FTO: variants seen among roughly 807,000 people sequenced by gnomAD.
The protein encoded by FTO is FTO alpha-ketoglutarate dependent dioxygenase, also known as alpha-ketoglutarate-dependent dioxygenase FTO.
A neutral mutation model predicts 63.9 loss-of-function variants in FTO; 47 were observed. That is an observed-to-expected ratio of 0.74 (90% CI 0.58 to 0.94). FTO has a LOEUF of 0.94. Among genes scored for constraint, FTO ranks in the 40% least tolerant of loss-of-function variants. The pLI is 0.00. For missense variants in FTO, 562 were observed against 618.1 expected (o/e 0.91, Z 0.96); for synonymous variants, 207 against 224.4 (o/e 0.92, Z 0.69).
At chr16:53,954,566 G>C (rs1347798957) in intron 8 of FTO, among the ~76,000 whole-genome samples, 2 of 152,152 alleles carry the variant, frequency 1.3e-5, no homozygotes, top group East Asian at 3.9e-4. Context: ...TAAAACTTAG[G>C]TGCAGAACTC....
intron 8 of FTO, among the ~76,000 whole-genome samples, chr16:54,084,759 C>T (rs1256065585): frequency 6.6e-6 from 1 of 152,152 alleles, no homozygotes; most frequent in Non-Finnish European, 1.5e-5. Flanking sequence ...TGCACACACA[C>T]AGCTGAGATT....
rs1038400575 is a variant in FTO, at chr16:53,749,563, C to T, written c.45+45334C>T. On this transcript the variant is annotated intron_variant, in intron 1 of 8. Coordinates refer to ENST00000471389, the MANE Select transcript of FTO (RefSeq NM_001080432.3). ...ATGCCATTCTCCTGCCTCAGCCTCC[C>T]GAGTAGCTGGGACTACAGGCGCCCG... Among the ~76,000 whole-genome samples, 8 of 151,960 alleles carry T rather than the reference C, an allele frequency of 5.3e-5. No individual in the cohort carries two copies. In the South Asian group the frequency reaches 6.2e-4, roughly 12 times the overall value.
At chr16:53,796,020 A>G (rs940046983) in intron 1 of FTO, among the ~76,000 whole-genome samples, 1 of 151,554 alleles carries the variant, frequency 6.6e-6, no homozygotes, top group Non-Finnish European at 1.5e-5. Flanking sequence ...AACCAGAAGT[A>G]AGGTTTTGTT....
intron 7 of FTO, among the ~76,000 whole-genome samples, chr16:53,909,812 C>T (rs2151940605): frequency 6.6e-6 from 1 of 152,242 alleles, no homozygotes; most frequent in East Asian, 1.9e-4. Context: ...GATCCGCCCG[C>T]ATTGGCTTTC....
At chr16:53,845,878 T>C (rs61471078) in intron 4 of FTO, among the ~76,000 whole-genome samples, 56,291 of 152,052 alleles carry the variant, frequency 0.37, 10,545 homozygotes, top group South Asian at 0.45. Flanking sequence ...GCACTTAATG[T>C]GATGTCCCTT....
intron 8 of FTO, among the ~76,000 whole-genome samples, chr16:54,058,853 T>C (rs1264021144): frequency 3.3e-5 from 5 of 152,322 alleles, no homozygotes; most frequent in Non-Finnish European, 7.3e-5. Context: ...CTTTGTCTGC[T>C]GCTACTGTGT....
At chr16:53,735,108 G>A (rs1567940297) in intron 1 of FTO, among the ~76,000 whole-genome samples, 2 of 152,184 alleles carry the variant, frequency 1.3e-5, no homozygotes, top group Non-Finnish European at 2.9e-5. Context: ...AATGGCTTCT[G>A]CCATACTCAA....
intron 1 of FTO, among the ~76,000 whole-genome samples, chr16:53,713,377 G>T (rs2075822052): frequency 6.6e-6 from 1 of 152,174 alleles, no homozygotes; most frequent in Non-Finnish European, 1.5e-5. Flanking sequence ...CTAACTTCTA[G>T]AGGAGAGGAA....
At chr16:53,810,093 T>C in intron 1 of FTO, 47 bp from the exon 2 acceptor site, 1 of 1,249,084 alleles carries the variant, frequency 8.0e-7, no homozygotes, top group South Asian at 1.2e-5. Flanking sequence ...GTGTCTTACT[T>C]TGGGTTATTG....
In FTO at chr16:54,100,075, C is replaced by T. The variant is rs540695564; in HGVS notation, c.1365-11687C>T. ...CCTATGAAAATGAAGATTCCCAGGA[C>T]ATTCACCTGGAAAGTCTGACTTAGG... is the stretch of plus-strand genomic sequence containing the variant. On this transcript the variant is annotated intron_variant, in intron 8 of 8. Coordinates refer to ENST00000471389, the MANE Select transcript of FTO (RefSeq NM_001080432.3). 3.3e-5 allele frequency among the ~76,000 whole-genome samples: 5 copies of T among 152,284 alleles called. No individual in the cohort carries two copies. In the South Asian group the frequency reaches 6.2e-4, roughly 19 times the overall value.
chr16:53,814,650 ACT>A (rs1167383492), intron 2 of FTO: 1 of 152,130 alleles, frequency 6.6e-6, no homozygotes, highest in East Asian at 1.9e-4. Context: ...TTCTGAGATA[ACT>A]CTGCTCTTGT....
chr16:53,929,238 C>A (rs1219163900), intron 7 of FTO, among the ~76,000 whole-genome samples: 1 of 152,152 alleles, frequency 6.6e-6, no homozygotes, highest in African/African-American at 2.4e-5. Context: ...TGCGTCTTGC[C>A]CAACCGAATC....
chr16:53,840,152 GT>G (rs199505529), intron 3 of FTO, among the ~76,000 whole-genome samples: 2 of 152,018 alleles, frequency 1.3e-5, no homozygotes, highest in East Asian at 3.9e-4. Flanking sequence ...AGAAGTTATA[GT>G]TGATTTGACC....
rs115347143 is a variant in FTO at position 53,888,192 on chromosome 16, T to C, written c.1120-640T>C. Among the ~76,000 whole-genome samples, 337 of 151,838 alleles carry C rather than the reference T, an allele frequency of 2.2e-3. 1 individual carries two copies. Among genetic ancestry groups the C allele is most frequent in the African/African-American group, 7.2e-3 (299 of 41,436 alleles). Reference sequence around the variant, plus strand: ...TGGGTTGTGTAAGAGAATTTCAGCTTTTTAATTGTTTTATTTTATTTTATT... The same window carrying C: ...TGGGTTGTGTAAGAGAATTTCAGCTCTTTAATTGTTTTATTTTATTTTATT... On this transcript the variant is annotated intron_variant, in intron 6 of 8. Coordinates refer to ENST00000471389, the MANE Select transcript of FTO (RefSeq NM_001080432.3).
chr16:53,874,195 T>C (rs1315901868), intron 5 of FTO, among the ~76,000 whole-genome samples: 1 of 152,206 alleles, frequency 6.6e-6, no homozygotes, highest in Non-Finnish European at 1.5e-5. Context: ...ACCAGAAGAA[T>C]TGGGGCAGAT....
chr16:53,900,436 A>C (rs1349770803), intron 7 of FTO, among the ~76,000 whole-genome samples: 1 of 152,128 alleles, frequency 6.6e-6, no homozygotes, highest in Admixed American at 6.5e-5. Flanking sequence ...AAATCTGAAA[A>C]TTCAGAATCC....
At chr16:53,971,999 C>T (rs1454574022) in intron 8 of FTO, among the ~76,000 whole-genome samples, 1 of 152,050 alleles carries the variant, frequency 6.6e-6, no homozygotes, top group East Asian at 1.9e-4. Context: ...CTGCTTGGTG[C>T]ATGTTTTAAC....
intron 8 of FTO, among the ~76,000 whole-genome samples, chr16:54,082,796 C>T (rs1422683900): frequency 6.6e-6 from 1 of 152,138 alleles, no homozygotes; most frequent in African/African-American, 2.4e-5. Flanking sequence ...TTGCAACTGA[C>T]CCGCCATGCT....
In FTO at chr16:53,707,819, C is replaced by T. The variant is rs878988462; in HGVS notation, c.45+3590C>T. ...TGCAGAGTCGTGTAACTGTCACCAC[C>T]GTCTTATTTTAGAACAGTTCCATTC... is the stretch of plus-strand genomic sequence containing the variant. On this transcript the variant is annotated intron_variant, in intron 1 of 8. Transcript: ENST00000471389. Among the ~76,000 whole-genome samples, 12 of 152,278 alleles carry T rather than the reference C, an allele frequency of 7.9e-5. 1 individual carries two copies. Among genetic ancestry groups the T allele is most frequent in the Admixed American group, 5.9e-4 (9 of 15,294 alleles).
Sources: allele counts gnomAD v4.1 joint callset (sites outside exome capture counted in the v4.1 genomes callset), GRCh38; gene constraint gnomAD v4.1.1; transcripts MANE v1.5; gene names NCBI Gene and HGNC (gene_info 2026-07-23, HGNC 2026-07-21).